Variants in PPP4R4 observed in about 807,000 individuals in gnomAD.
PPP4R4 encodes serine/threonine-protein phosphatase 4 regulatory subunit 4.
Under a neutral mutation model 121.8 loss-of-function variants are expected in PPP4R4, and 70 were observed. That is an observed-to-expected ratio of 0.57 (90% CI 0.47 to 0.70). The LOEUF is 0.70. PPP4R4 is among the 30% of genes least tolerant of loss of function. PPP4R4 has a pLI of 0.00. For synonymous variants in PPP4R4, 348 were observed against 355.7 expected, an observed-to-expected ratio of 0.98 and a Z score of 0.24; for missense variants, 875 against 1,033.6, an observed-to-expected ratio of 0.85 and a Z score of 2.10.
chr14:94,228,045 G>C (rs1891815453), intron 3 of PPP4R4, among the ~76,000 whole-genome samples: 2 of 152,082 alleles, frequency 1.3e-5, no homozygotes, highest in African/African-American at 4.8e-5. Flanking sequence ...GAACTCTCAT[G>C]ATATGTAACT....
At chr14:94,211,318 G>C (rs150659263) in intron 3 of PPP4R4, among the ~76,000 whole-genome samples, 142 of 152,290 alleles carry the variant, frequency 9.3e-4, no homozygotes, top group Non-Finnish European at 1.8e-3. Context: ...CAGAACATGA[G>C]TTGATGAGAT....
chr14:94,261,902 A>G (rs909123138), intron 19 of PPP4R4, among the ~76,000 whole-genome samples: 4 of 151,992 alleles, frequency 2.6e-5, no homozygotes, highest in East Asian at 1.9e-4. Flanking sequence ...CTATTTGGCA[A>G]TGGTTTATTG....
intron 7 of PPP4R4, 64 bp downstream of exon 7, chr14:94,234,733 G>T: frequency 8.5e-7 from 1 of 1,180,780 alleles, no homozygotes; most frequent in South Asian, 1.3e-5. Flanking sequence ...GGCTGTATTT[G>T]ATCTTTAAAA....
rs77127199 is a variant in PPP4R4 at position 94,248,586 on chromosome 14, A to G, written c.1612-1586A>G. ...AAATTACTCTTGAATAGCCAGCGCA[A>G]TCTTCAGCTGCTATTTCAGCCCTCT... is the stretch of plus-strand genomic sequence containing the variant. On this transcript the variant is annotated intron_variant, in intron 14 of 24. Transcript: ENST00000304338. 5.9e-5 allele frequency among the ~76,000 whole-genome samples: 9 copies of G among 152,302 alleles called. No homozygotes were observed. In the East Asian group the frequency reaches 1.5e-3, roughly 26 times the overall value.
intron 6 of PPP4R4, 101 bp from the exon 7 acceptor site, chr14:94,234,461 T>G: frequency 1.4e-6 from 1 of 705,110 alleles, no homozygotes; most frequent in Non-Finnish European, 2.4e-6. Context: ...TAAAGTACAT[T>G]TGTTATTATT....
Position 94,256,529 on chromosome 14 carries a change from T to C in PPP4R4, c.1935T>C (p.Leu645=), listed in dbSNP as rs144855984. Residue 645 remains leucine, a synonymous_variant, in exon 17 of 25, where the codon CTT becomes CTC. Coordinates refer to ENST00000304338, the MANE Select transcript of PPP4R4 (RefSeq NM_058237.2). ...AGATTCCTGCTGATAAGCATCTACTTCAGCAGTTAGAAATGTGTGTGAGGA... is the reference window on the plus strand; with the variant it reads ...AGATTCCTGCTGATAAGCATCTACTCCAGCAGTTAGAAATGTGTGTGAGGA... The part of the protein sequence containing the change: ...TLKIPADKHL[L]QQLEMCVRKL... The C allele has an allele frequency of 4.7e-5, 76 of 1,603,046 alleles. 1 individual carries two copies. Among genetic ancestry groups the C allele is most frequent in the Middle Eastern group, 3.3e-4 (2 of 6,000 alleles).
chr14:94,176,870 A>G (rs72702354), intron 2 of PPP4R4, among the ~76,000 whole-genome samples: 3,721 of 152,320 alleles, frequency 0.024, 90 homozygotes, highest in Admixed American at 0.047. Context: ...AGCTTACACA[A>G]CATATTTTTC....
chr14:94,183,143 T>A (rs1461460980), intron 2 of PPP4R4, among the ~76,000 whole-genome samples: 1 of 152,150 alleles, frequency 6.6e-6, no homozygotes, highest in Non-Finnish European at 1.5e-5. Flanking sequence ...ATGAGGCATG[T>A]TGTGTGATTA....
At chr14:94,232,982 C>G (rs1892129512) in intron 5 of PPP4R4, among the ~76,000 whole-genome samples, 1 of 151,442 alleles carries the variant, frequency 6.6e-6, no homozygotes, top group South Asian at 2.1e-4. Flanking sequence ...GGCGTGAACC[C>G]GGGAGGTGGA....
At chr14:94,227,630 T>C (rs979416842) in intron 3 of PPP4R4, 2 of 1,174,184 alleles carry the variant, frequency 1.7e-6, no homozygotes, top group African/African-American at 3.2e-5. Flanking sequence ...AGTAAGAAGA[T>C]ATGAAGTTGG....
chr14:94,265,717 A>G, intron 21 of PPP4R4, 77 bp from the exon 22 acceptor site: 1 of 1,058,554 alleles, frequency 9.4e-7, no homozygotes, highest in East Asian at 2.4e-5. Flanking sequence ...AAATGATGGT[A>G]GTTGGGGAGG....
Position 94,175,978 on chromosome 14 carries a change from G to A in PPP4R4, c.118-76G>A. The A allele has an allele frequency of 4.5e-6, 5 of 1,107,510 alleles. No individual in the cohort carries two copies. The Admixed American group carries it at 8.5e-5, about 19-fold the overall frequency. The allele number at this position is 1,107,510 out of a possible 1,614,324, so 68.6% of individuals were successfully genotyped here. On this transcript the variant is annotated intron_variant, in intron 1 of 24. Coordinates refer to ENST00000304338, the MANE Select transcript of PPP4R4 (RefSeq NM_058237.2). Reference sequence around the variant, plus strand: ...ACTTTTTCATTCGTTTATCCTCATAGAGGGTCACTGGGAGGTTGGGGGGCA... The same window carrying A: ...ACTTTTTCATTCGTTTATCCTCATAAAGGGTCACTGGGAGGTTGGGGGGCA...
chr14:94,252,996 AC>A (rs1314038315), intron 16 of PPP4R4, among the ~76,000 whole-genome samples: 1 of 152,234 alleles, frequency 6.6e-6, no homozygotes, highest in East Asian at 1.9e-4. Flanking sequence ...TCAACTTAAG[AC>A]TTTTATGAGC....
At chr14:94,174,825 G>T (rs1888577319) in intron 1 of PPP4R4, among the ~76,000 whole-genome samples, 1 of 152,042 alleles carries the variant, frequency 6.6e-6, no homozygotes, top group South Asian at 2.1e-4. Flanking sequence ...CAAGGGACGG[G>T]TCCCTGCCCC....
intron 2 of PPP4R4, among the ~76,000 whole-genome samples, 159 bp from the exon 3 acceptor site, chr14:94,208,305 A>T (rs971795229): frequency 6.9e-6 from 1 of 144,846 alleles, no homozygotes; most frequent in Non-Finnish European, 1.6e-5. Context: ...TTTTGGTTTT[A>T]ATTTTATATC....
rs143181191 is a variant in PPP4R4 at position 94,275,020 on chromosome 14, G to T, written c.2450-354G>T. On this transcript the variant is annotated intron_variant, in intron 23 of 24. Coordinates refer to ENST00000304338, the MANE Select transcript of PPP4R4 (RefSeq NM_058237.2). ...TTCAAAATTATGCTGAATGAAAGAA[G>T]CCAGACAAAAAAGAGTATATGCTGT... is the stretch of plus-strand genomic sequence containing the variant. Among the ~76,000 whole-genome samples, 968 of 152,114 alleles carry T rather than the reference G, an allele frequency of 6.4e-3. 10 individuals carry two copies. The highest frequency in any genetic ancestry group is 0.021 in the African/African-American group (863 of 41,504).
At chr14:94,203,150 G>GGGAT (rs1567112757) in intron 2 of PPP4R4, among the ~76,000 whole-genome samples, 1 of 152,100 alleles carries the variant, frequency 6.6e-6, no homozygotes, top group Non-Finnish European at 1.5e-5. Flanking sequence ...CCATCACCAT[G>GGGAT]GGATCTCTCA....
chr14:94,188,923 C>T (rs1461306939), intron 2 of PPP4R4, among the ~76,000 whole-genome samples: 3 of 151,998 alleles, frequency 2.0e-5, no homozygotes, highest in Non-Finnish European at 4.4e-5. Context: ...CTTGAATATG[C>T]AGCATTTTTG....
intron 2 of PPP4R4, among the ~76,000 whole-genome samples, chr14:94,189,742 C>T (rs1889492682): frequency 6.6e-6 from 1 of 152,122 alleles, no homozygotes; most frequent in African/African-American, 2.4e-5. Context: ...CTAAATATGC[C>T]TCTGCTTGTT....
Sources: allele counts gnomAD v4.1 joint callset (sites outside exome capture counted in the v4.1 genomes callset), GRCh38; gene constraint gnomAD v4.1.1; transcripts MANE v1.5; gene names NCBI Gene and HGNC (gene_info 2026-07-23, HGNC 2026-07-21).